Variants in CD53 observed in about 807,000 individuals in gnomAD.
The protein encoded by CD53 is CD53 molecule, also known as leukocyte surface antigen CD53.
Under a neutral mutation model 27.3 loss-of-function variants are expected in CD53, and 20 were observed. The ratio of observed to expected loss-of-function variants is 0.73; its 90% CI spans 0.52 to 1.07. The LOEUF is 1.07. Among genes scored for constraint, CD53 ranks in the 50% least tolerant of loss-of-function variants. The probability of loss-of-function intolerance (pLI) is 0.00; values close to 1 mark genes in which losing one functional copy is unlikely to be tolerated. For synonymous variants in CD53, 106 were observed against 105.3 expected (o/e 1.01, Z -0.04); for missense variants, 216 against 264.0 (o/e 0.82, Z 1.26).
chr1:110,878,220 A>G (rs973205211), intron 1 of CD53, among the ~76,000 whole-genome samples: 2 of 152,174 alleles, frequency 1.3e-5, no homozygotes, highest in Non-Finnish European at 2.9e-5. Flanking sequence ...TGAACTATCT[A>G]TTATGTATCT....
At chr1:110,886,999 T>G (rs1023431695) in intron 1 of CD53, among the ~76,000 whole-genome samples, 1 of 151,414 alleles carries the variant, frequency 6.6e-6, no homozygotes, top group African/African-American at 2.4e-5. Flanking sequence ...TCACACATTG[T>G]AGTTTCATCT....
At chr1:110,886,646 C>T (rs11102173) in intron 1 of CD53, among the ~76,000 whole-genome samples, 65,371 of 151,260 alleles carry the variant, frequency 0.43, 15,652 homozygotes, top group Admixed American at 0.56. Flanking sequence ...GTCAGGCATG[C>T]GAGACCAGCC....
intron 1 of CD53, among the ~76,000 whole-genome samples, chr1:110,884,830 G>A (rs904863295): frequency 8.3e-6 from 1 of 121,032 alleles, no homozygotes; most frequent in African/African-American, 3.0e-5. Context: ...AAATGTATTC[G>A]CTTCTTTATA....
At chr1:110,879,779 G>T (rs879545356) in intron 1 of CD53, among the ~76,000 whole-genome samples, 5 of 151,920 alleles carry the variant, frequency 3.3e-5, no homozygotes, top group Non-Finnish European at 7.4e-5. Context: ...TGTTGTTCAG[G>T]CTGGTCTTAA....
chr1:110,871,226 T>C (rs1448601994), upstream of CD53, among the ~76,000 whole-genome samples: 1 of 152,172 alleles, frequency 6.6e-6, no homozygotes, highest in Non-Finnish European at 1.5e-5. Context: ...ACATCCAAGG[T>C]GGTCTTGAAG....
At chr1:110,896,842 C>A in intron 6 of CD53, 109 bp downstream of exon 6, 2 of 928,750 alleles carry the variant, frequency 2.2e-6, no homozygotes, top group South Asian at 1.7e-5. Context: ...AAACAGGGGA[C>A]CTTGAATAAA....
At chr1:110,897,567 G>A in intron 6 of CD53, 2 of 338,964 alleles carry the variant, frequency 5.9e-6, no homozygotes, top group South Asian at 6.4e-5. Flanking sequence ...AACTCAGCGG[G>A]TAAGGATCTA....
rs2101071839 is a variant in CD53 at position 110,899,282 on chromosome 1, A to G, written c.*87A>G. The G allele has an allele frequency of 1.1e-6, 1 of 919,768 alleles. No homozygotes were observed. The highest frequency in any genetic ancestry group is 1.8e-6 in the Non-Finnish European group (1 of 568,654). 57.0% of individuals were successfully genotyped at this position (919,768 alleles called of 1,614,324 possible). On this transcript the variant is annotated 3_prime_UTR_variant, in exon 8 of 8. Transcript: ENST00000271324. ...GCATGAAGCCCTACATGATCACTGC[A>G]GGATGATCCTCCTCCCATCCTTTCC...
At chr1:110,891,360 G>A (rs767644111) in intron 1 of CD53, 32 bp from the exon 2 acceptor site, 2 of 1,404,180 alleles carry the variant, frequency 1.4e-6, no homozygotes, top group Non-Finnish European at 2.0e-6. Context: ...TACAGAGTGA[G>A]GTAACTTACT....
chr1:110,876,375 C>T (rs1211756055), intron 1 of CD53, among the ~76,000 whole-genome samples: 2 of 152,124 alleles, frequency 1.3e-5, no homozygotes, highest in African/African-American at 4.8e-5. Flanking sequence ...ATTCCTAGTG[C>T]ATTTTAACAT....
At chr1:110,880,622 C>CTTT (rs1165145324) in intron 1 of CD53, among the ~76,000 whole-genome samples, 2 of 152,172 alleles carry the variant, frequency 1.3e-5, no homozygotes, top group African/African-American at 4.8e-5. Context: ...ATGTCCAAAA[C>CTTT]ATCAGTTTAT....
At chr1:110,896,800 G>A in intron 6 of CD53, 67 bp downstream of exon 6, 1 of 1,389,298 alleles carries the variant, frequency 7.2e-7, no homozygotes, top group Non-Finnish European at 1.0e-6. Flanking sequence ...CTCGGAAACT[G>A]CAGTCATAGA....
chr1:110,886,869 A>ATATATATTTTTTT (rs1298376721), intron 1 of CD53, among the ~76,000 whole-genome samples: 59 of 82,790 alleles, frequency 7.1e-4, no homozygotes, highest in Non-Finnish European at 9.6e-4. Flanking sequence ...ATATATATAT[A>ATATATATTTTTTT]TTTTTTTTTT....
chr1:110,889,167 T>G (rs1031832527), intron 1 of CD53, among the ~76,000 whole-genome samples: 1 of 152,334 alleles, frequency 6.6e-6, no homozygotes, highest in African/African-American at 2.4e-5. Context: ...TAGATGTGTC[T>G]TACTCTATGA....
intron 1 of CD53, among the ~76,000 whole-genome samples, chr1:110,883,203 T>G (rs981303425): frequency 3.9e-5 from 6 of 151,996 alleles, no homozygotes; most frequent in Admixed American, 3.9e-4. Flanking sequence ...CCTTCATAAA[T>G]GCCTTTTATA....
At chr1:110,882,743 A>T (rs962811496) in intron 1 of CD53, among the ~76,000 whole-genome samples, 3 of 151,960 alleles carry the variant, frequency 2.0e-5, no homozygotes, top group African/African-American at 7.2e-5. Context: ...TCTTTCAGCA[A>T]TGTTTGTTTT....
intron 2 of CD53, 53 bp from the exon 3 acceptor site, chr1:110,892,292 G>A: frequency 7.9e-7 from 1 of 1,258,232 alleles, no homozygotes; most frequent in Non-Finnish European, 1.2e-6. Flanking sequence ...AATATGAGGA[G>A]ATACCCAAGA....
At chr1:110,886,869 A>ATATATATATATATATATATATATTT (rs1298376721) in intron 1 of CD53, among the ~76,000 whole-genome samples, 10 of 82,786 alleles carry the variant, frequency 1.2e-4, no homozygotes, top group Non-Finnish European at 1.8e-4. Flanking sequence ...ATATATATAT[A>ATATATATATATATATATATATATTT]TTTTTTTTTT....
At chr1:110,877,131 C>A (rs1038003770) in intron 1 of CD53, among the ~76,000 whole-genome samples, 3 of 152,210 alleles carry the variant, frequency 2.0e-5, no homozygotes, top group African/African-American at 7.2e-5. Context: ...TTGCCTTCAA[C>A]TGTCACTTTT....
Sources: gnomAD v4.1 joint callset for allele counts (sites outside exome capture counted in the v4.1 genomes callset) on GRCh38, gnomAD v4.1.1 for gene constraint, MANE v1.5 for transcripts, NCBI Gene and HGNC (gene_info 2026-07-23, HGNC 2026-07-21) for gene names.